HTR3A: variants seen among roughly 807,000 people sequenced by gnomAD.
The protein encoded by HTR3A is 5-hydroxytryptamine receptor 3A, also known as 5-hydroxytryptamine (serotonin) receptor 3A, ionotropic.
HTR3A carries 45 observed loss-of-function variants against 54.8 expected under a neutral mutation model. The observed-to-expected ratio is 0.82, with a 90% CI of 0.65 to 1.05. The LOEUF (loss-of-function observed/expected upper bound fraction) is 1.05. HTR3A is among the 50% of genes least tolerant of loss of function. HTR3A has a pLI of 0.00. For missense variants in HTR3A, 657 were observed against 614.0 expected (o/e 1.07, Z -0.74); for synonymous variants, 297 against 256.0 (o/e 1.16, Z -1.53).
At chr11:113,975,505 G>A in intron 1 of HTR3A, 113 bp downstream of exon 1, 1 of 849,410 alleles carries the variant, frequency 1.2e-6, no homozygotes, top group Non-Finnish European at 1.9e-6. Flanking sequence ...CAGTGCAGCT[G>A]CAGGAAGGTC....
chr11:113,989,626 GA>G lies in HTR3A; in HGVS notation c.1301del (p.Glu434GlyfsTer26). 1 of 1,614,238 alleles carries G rather than the reference GA, an allele frequency of 6.2e-7. No individual in the cohort carries two copies. The highest frequency in any genetic ancestry group is 8.5e-7 in the Non-Finnish European group (1 of 1,180,040). ...CCGGCAATTCCTGGAAAAGCGGGAT[GA>G]GATCCGAGAGGTGGCCCGAGACTGG... is the stretch of plus-strand genomic sequence containing the variant. ...SIRQFLEKRD[E>X]IREVARDWLR... is the part of the protein sequence containing the mutation. On this transcript the variant is annotated frameshift_variant, in exon 9 of 9. Transcript: ENST00000504030. LOFTEE classifies it high-confidence loss of function. The surrounding 1 kb of genome is among the most constrained non-coding windows in gnomAD (Gnocchi z 4.4).
chr11:113,986,482 GC>G, intron 6 of HTR3A, 35 bp from the exon 7 acceptor site: 1 of 1,607,358 alleles, frequency 6.2e-7, no homozygotes. Flanking sequence ...GAGCCTGTTT[GC>G]CCCAGGCTTC....
In HTR3A at chr11:113,990,071, G is replaced by A; in HGVS notation, c.*308G>A. 1.8e-6 allele frequency: 1 copy of A among 560,996 alleles called. No homozygotes were observed. Among genetic ancestry groups the A allele is most frequent in the Non-Finnish European group, 3.4e-6 (1 of 297,160 alleles). The allele number at this position is 560,996 out of a possible 1,614,324, so 34.8% of individuals were successfully genotyped here. On this transcript the variant is annotated 3_prime_UTR_variant, in exon 9 of 9. Coordinates refer to ENST00000504030, the MANE Select transcript of HTR3A (RefSeq NM_000869.6). ...ACTCCCTAAGTCCACTCTAGTTGTG[G>A]ACTTTTCCCCATTGACCCTCACCTG...
chr11:113,984,005 C>T (rs2137579718), intron 5 of HTR3A, among the ~76,000 whole-genome samples: 1 of 152,336 alleles, frequency 6.6e-6, no homozygotes, highest in African/African-American at 2.4e-5. Flanking sequence ...GAGCTCTGCT[C>T]CCACCCAGCT....
chr11:113,987,181 G>A lies in HTR3A; in HGVS notation c.1138+135G>A, dbSNP rs557179260. On this transcript the variant is annotated intron_variant, in intron 8 of 8. Coordinates refer to ENST00000504030, the MANE Select transcript of HTR3A (RefSeq NM_000869.6). ...CATCCCATGCCCTGCCTTACTTGGG[G>A]TGGGGGCAGCCTTCAGCCAAAGATG... The A allele has an allele frequency of 1.5e-4, 139 of 924,824 alleles. No homozygotes were observed. The African/African-American group carries it at 2.1e-3, about 14-fold the overall frequency. The allele number at this position is 924,824 out of a possible 1,614,324, so 57.3% of individuals were successfully genotyped here.
rs181151860 is a variant in HTR3A at position 113,979,566 on chromosome 11, G to A, written c.264+289G>A. On this transcript the variant is annotated intron_variant, in intron 3 of 8. Coordinates refer to ENST00000504030, the MANE Select transcript of HTR3A (RefSeq NM_000869.6). Reference sequence around the variant, plus strand: ...TCTGTTGAAAGGAACTCATGAGCCAGCCCCTTCACTCTCAGCCAGCTCTGT... The same window carrying A: ...TCTGTTGAAAGGAACTCATGAGCCAACCCCTTCACTCTCAGCCAGCTCTGT... Among the ~76,000 whole-genome samples the A allele has an allele frequency of 6.6e-5, 10 of 152,268 alleles. No homozygotes were observed. The East Asian group carries it at 1.2e-3, about 18-fold the overall frequency.
rs976096880 is a variant in HTR3A, at chr11:113,989,087, C to T, written c.1139-378C>T. Among the ~76,000 whole-genome samples the T allele has an allele frequency of 3.3e-5, 5 of 151,750 alleles. No individual in the cohort carries two copies. The highest frequency in any genetic ancestry group is 2.1e-4 in the South Asian group (1 of 4,818). ...GTCTAAAGTTGTTCCTGGCCATCCA[C>T]GGTGGCTCACACCTGTAATCCCAGC... On this transcript the variant is annotated intron_variant, in intron 8 of 8. Coordinates refer to ENST00000504030, the MANE Select transcript of HTR3A (RefSeq NM_000869.6). This position sits in a 1 kb window ranked among gnomAD's most constrained non-coding sequence, Gnocchi z 4.4.
chr11:113,983,109 T>C lies in HTR3A; in HGVS notation c.375-11T>C, dbSNP rs530546644. On this transcript the variant is annotated splice_polypyrimidine_tract_variant and intron_variant, in intron 4 of 8. Transcript: ENST00000504030. The stretch of plus-strand genomic sequence containing the variant: ...CTTGAGCTCCCAAACTAACCCCTTT[T>C]CCCCCGCCAGCGTGGATGTGGGGAA... 47 of 1,614,046 alleles carry C rather than the reference T, an allele frequency of 2.9e-5. No homozygotes were observed. The African/African-American group carries it at 5.3e-4, about 18-fold the overall frequency.
intron 6 of HTR3A, 123 bp downstream of exon 6, chr11:113,986,298 C>A: frequency 7.8e-7 from 1 of 1,288,858 alleles, no homozygotes; most frequent in Non-Finnish European, 1.1e-6. Context: ...ACATCTGGAA[C>A]TTCAGTGAAG....
rs868027246 is a variant in HTR3A, at chr11:113,979,766, G to C, written c.264+489G>C. On this transcript the variant is annotated intron_variant, in intron 3 of 8. Transcript: ENST00000504030. ...TGGTGTGTGGATACATCTGAGGCTT[G>C]GCAGGAATTATGGCTTTGAGCTGGG... Among the ~76,000 whole-genome samples, 149 of 152,270 alleles carry C rather than the reference G, an allele frequency of 9.8e-4. 1 individual carries two copies. The highest frequency in any genetic ancestry group is 3.4e-3 in the African/African-American group (140 of 41,546).
At chr11:113,983,826 G>A (rs1041886079) in intron 5 of HTR3A, among the ~76,000 whole-genome samples, 1 of 152,038 alleles carries the variant, frequency 6.6e-6, no homozygotes. Context: ...CCATGCATTC[G>A]TGTCCCCCTA....
At chr11:113,987,417 G>A (rs1414519151) in intron 8 of HTR3A, among the ~76,000 whole-genome samples, 1 of 152,118 alleles carries the variant, frequency 6.6e-6, no homozygotes, top group Non-Finnish European at 1.5e-5. Flanking sequence ...TACTGCCACT[G>A]GGGTTTCTAA....
Position 113,986,615 on chromosome 11 carries a change from C to G in HTR3A, c.803C>G (p.Pro268Arg). Residue 268 changes from proline (P) to arginine (R), a missense_variant, in exon 7 of 9, where the codon CCC (proline) becomes CGC (arginine). Pro to Arg is a moderately radical substitution (Grantham distance 103, BLOSUM62 -2). Transcript: ENST00000504030. ...GACATCGTGGGCTTCTACCTGCCCC[C>G]CAACAGTGGCGAGAGGGTCTCTTTC... ...VMDIVGFYLP[P>R]NSGERVSFKI... 6.2e-7 allele frequency: 1 copy of G among 1,613,866 alleles called. No homozygotes were observed. The highest frequency in any genetic ancestry group is 8.5e-7 in the Non-Finnish European group (1 of 1,180,032).
In HTR3A at chr11:113,989,304, A is replaced by G. The variant is rs1950524730; in HGVS notation, c.1139-161A>G. Among the ~76,000 whole-genome samples, 1 of 152,078 alleles carries G rather than the reference A, an allele frequency of 6.6e-6. No individual in the cohort carries two copies. The highest frequency in any genetic ancestry group is 1.5e-5 in the Non-Finnish European group (1 of 68,014). ...CTTGAACTCGGGAGGCGGAGGTTGCAGTGAGCTTAGATCACACCACTGCCC... is the reference window on the plus strand; with the variant it reads ...CTTGAACTCGGGAGGCGGAGGTTGCGGTGAGCTTAGATCACACCACTGCCC... On this transcript the variant is annotated intron_variant, in intron 8 of 8. Transcript: ENST00000504030. The surrounding 1 kb of genome is among the most constrained non-coding windows in gnomAD (Gnocchi z 4.4).
At chr11:113,987,184 G>C in intron 8 of HTR3A, 138 bp downstream of exon 8, 1 of 895,926 alleles carries the variant, frequency 1.1e-6, no homozygotes, top group Non-Finnish European at 1.8e-6. Context: ...ACTTGGGGTG[G>C]GGGCAGCCTT....
intron 1 of HTR3A, among the ~76,000 whole-genome samples, chr11:113,976,067 C>A (rs1465478315): frequency 6.6e-6 from 1 of 152,208 alleles, no homozygotes; most frequent in African/African-American, 2.4e-5. Flanking sequence ...AGACCATGTT[C>A]ATTCCCCTCT....
At chr11:113,977,171 C>T (rs559177747) in intron 1 of HTR3A, among the ~76,000 whole-genome samples, 21 of 152,278 alleles carry the variant, frequency 1.4e-4, no homozygotes, top group Non-Finnish European at 2.8e-4. Context: ...GGGCAGGGTG[C>T]GAGGATCCTC....
chr11:113,989,469 G>A lies in HTR3A; in HGVS notation c.1143G>A (p.Met381Ile), dbSNP rs1048701212. The A allele has an allele frequency of 1.2e-6, 2 of 1,614,034 alleles. No individual in the cohort carries two copies. Among genetic ancestry groups the A allele is most frequent in the South Asian group, 1.1e-5 (1 of 91,074 alleles). ...QATKTDDCSA[M>I]GNHCSHMGGP... ...AATGCCCTGCCCTTCTTCCAGCCAT[G>A]GGAAACCACTGCAGCCACATGGGAG... Residue 381 changes from methionine (M) to isoleucine (I), a missense_variant, in exon 9 of 9, where the codon ATG becomes ATA. Transcript: ENST00000504030. The surrounding 1 kb of genome is among the most constrained non-coding windows in gnomAD (Gnocchi z 4.4).
At chr11:113,978,604 C>T (rs1950383716) in intron 2 of HTR3A, among the ~76,000 whole-genome samples, 1 of 152,170 alleles carries the variant, frequency 6.6e-6, no homozygotes, top group Admixed American at 6.5e-5. Context: ...CACCTGGCCT[C>T]AAGCCATCCA....
Sources: gnomAD v4.1 joint callset for allele counts (sites outside exome capture counted in the v4.1 genomes callset) on GRCh38, gnomAD v4.1.1 for gene constraint, Gnocchi (gnomAD v3.1) non-coding constraint, MANE v1.5 for transcripts, NCBI Gene and HGNC (gene_info 2026-07-23, HGNC 2026-07-21) for gene names.